The following ESRRG variants were observed in gnomAD, a reference collection of about 807,000 sequenced individuals.
ESRRG encodes estrogen related receptor gamma.
A neutral mutation model predicts 44.0 loss-of-function variants in ESRRG; 13 were observed. The observed-to-expected ratio is 0.30, with a 90% CI of 0.19 to 0.47. The LOEUF (loss-of-function observed/expected upper bound fraction) is 0.47, where lower values mean the gene tolerates loss of function less well. Among genes scored for constraint, ESRRG ranks in the 20% least tolerant of loss-of-function variants. The probability of loss-of-function intolerance (pLI) is 1.00; values close to 1 mark genes in which losing one functional copy is unlikely to be tolerated. For missense variants in ESRRG, 395 were observed against 580.6 expected, an observed-to-expected ratio of 0.68 and a Z score of 3.29; for synonymous variants, 215 against 214.6, an observed-to-expected ratio of 1.00 and a Z score of -0.02.
intron 1 of ESRRG, among the ~76,000 whole-genome samples, chr1:217,076,310 C>T (rs968815397): frequency 2.0e-5 from 3 of 152,146 alleles, no homozygotes; most frequent in Admixed American, 6.5e-5. Context: ...TGTCCCCTTT[C>T]CCCCCAGATT....
Position 216,894,237 on chromosome 1 carries a change from T to A in ESRRG, c.-14+45345A>T, listed in dbSNP as rs191833799. Among the ~76,000 whole-genome samples, 13 of 152,296 alleles carry A rather than the reference T, an allele frequency of 8.5e-5. No individual in the cohort carries two copies. In the East Asian group the frequency reaches 2.5e-3, roughly 29 times the overall value. On this transcript the variant is annotated intron_variant, in intron 2 of 7. Transcript: ENST00000359162. Reference sequence around the variant, plus strand: ...GTCAGATCAGGAAACTATGACCTGGTAGTGAATTTCATTTCACAGACTCGG... The same window carrying A: ...GTCAGATCAGGAAACTATGACCTGGAAGTGAATTTCATTTCACAGACTCGG...
At chr1:216,679,100 G>GT (rs2151521532) in intron 1 of ESRRG, among the ~76,000 whole-genome samples, 1 of 152,310 alleles carries the variant, frequency 6.6e-6, no homozygotes, top group South Asian at 2.1e-4. Flanking sequence ...AAGTCAAGCA[G>GT]TATCAGGATG....
intron 1 of ESRRG, among the ~76,000 whole-genome samples, chr1:217,060,002 A>G (rs1189404894): frequency 1.3e-5 from 2 of 152,062 alleles, no homozygotes; most frequent in Non-Finnish European, 2.9e-5. Flanking sequence ...TAGTATCATG[A>G]TTACTTATGA....
Position 216,519,426 on chromosome 1 carries a change from A to C in ESRRG, c.863-5T>G. ...CCAGGGACAGCGTGGAGAAGCCTGC[A>C]TGGAAAGATGGGCAGATCAAGTTAC... On this transcript the variant is annotated splice_region_variant and splice_polypyrimidine_tract_variant and intron_variant, in intron 5 of 6. Transcript: ENST00000408911. 1 of 1,599,082 alleles carries C rather than the reference A, an allele frequency of 6.3e-7. No homozygotes were observed. The highest frequency in any genetic ancestry group is 2.2e-5 in the East Asian group (1 of 44,836).
chr1:216,513,264 A>G (rs2043242386), intron 6 of ESRRG, among the ~76,000 whole-genome samples: 1 of 152,188 alleles, frequency 6.6e-6, no homozygotes, highest in South Asian at 2.1e-4. Flanking sequence ...CTAGAAAGTA[A>G]TGAATCAAGC....
rs59010457 is a variant in ESRRG, at chr1:217,018,881, T to C, written c.-106+70626A>G. 1.9e-3 allele frequency among the ~76,000 whole-genome samples: 286 copies of C among 152,296 alleles called. 1 individual carries two copies. Among genetic ancestry groups the C allele is most frequent in the African/African-American group, 6.7e-3 (279 of 41,572 alleles). On this transcript the variant is annotated intron_variant, in intron 1 of 7. Transcript: ENST00000359162. The stretch of plus-strand genomic sequence containing the variant: ...ACCGCATTATGGCACAATTACTTGC[T>C]ATAATTATGCATCTACTCCTCTTCC...
At chr1:216,855,700 C>A (rs903767517) in intron 2 of ESRRG, among the ~76,000 whole-genome samples, 1 of 152,134 alleles carries the variant, frequency 6.6e-6, no homozygotes, top group African/African-American at 2.4e-5. Context: ...TCCACCTGCC[C>A]CCTCCCCTGC....
chr1:216,747,583 C>T (rs947468158), intron 2 of ESRRG, among the ~76,000 whole-genome samples: 7 of 152,166 alleles, frequency 4.6e-5, no homozygotes, highest in Admixed American at 1.3e-4. Flanking sequence ...ACAATGATTG[C>T]ATTTCCTTCC....
At chr1:216,541,166 A>G (rs538504359) in intron 5 of ESRRG, among the ~76,000 whole-genome samples, 2 of 152,060 alleles carry the variant, frequency 1.3e-5, no homozygotes, top group Non-Finnish European at 2.9e-5. Context: ...GGTAATTATT[A>G]AATACACCAA....
chr1:216,663,912 C>G (rs2073200153), intron 2 of ESRRG, among the ~76,000 whole-genome samples: 1 of 152,122 alleles, frequency 6.6e-6, no homozygotes, highest in Non-Finnish European at 1.5e-5. Context: ...ATCCAGAGAA[C>G]TGACACAGGA....
At chr1:216,515,592 T>C (rs2818960) in intron 6 of ESRRG, among the ~76,000 whole-genome samples, 74,265 of 151,966 alleles carry the variant, frequency 0.49, 19,391 homozygotes, top group Non-Finnish European at 0.61. Context: ...ATAACCAAAT[T>C]GTTATTTGTA....
intron 1 of ESRRG, among the ~76,000 whole-genome samples, chr1:216,712,188 T>G (rs1456273700): frequency 6.6e-6 from 1 of 152,220 alleles, no homozygotes; most frequent in East Asian, 1.9e-4. Context: ...TCATGTGAAA[T>G]GAAGTTTTTT....
chr1:216,866,554 T>C (rs1442316313), intron 2 of ESRRG, among the ~76,000 whole-genome samples: 1 of 117,598 alleles, frequency 8.5e-6, no homozygotes, highest in Non-Finnish European at 1.6e-5. Flanking sequence ...TCTTTCTTTG[T>C]TTCTTTCTTT....
At chr1:216,611,032 G>A (rs1007851486) in intron 3 of ESRRG, among the ~76,000 whole-genome samples, 19 of 151,704 alleles carry the variant, frequency 1.3e-4, no homozygotes, top group African/African-American at 4.4e-4. Flanking sequence ...ATGAAACTCC[G>A]TCTCTGCTAA....
intron 1 of ESRRG, among the ~76,000 whole-genome samples, chr1:216,955,225 C>G (rs2067727428): frequency 6.6e-6 from 1 of 152,118 alleles, no homozygotes; most frequent in Non-Finnish European, 1.5e-5. Context: ...CCTCTTATAA[C>G]CATAATTATA....
intron 2 of ESRRG, among the ~76,000 whole-genome samples, chr1:216,771,208 A>G (rs917573591): frequency 1.3e-5 from 2 of 152,164 alleles, no homozygotes; most frequent in African/African-American, 4.8e-5. Flanking sequence ...ATTAGTGGAA[A>G]TTTTTAAAAT....
At chr1:216,783,425 TTC>T (rs1370747819) in intron 2 of ESRRG, among the ~76,000 whole-genome samples, 5 of 152,230 alleles carry the variant, frequency 3.3e-5, no homozygotes, top group African/African-American at 1.2e-4. Flanking sequence ...CCTTCAGAAA[TTC>T]TCTTTTACAG....
chr1:217,015,939 C>G (rs1369013258), intron 1 of ESRRG, among the ~76,000 whole-genome samples: 1 of 151,928 alleles, frequency 6.6e-6, no homozygotes, highest in African/African-American at 2.4e-5. Flanking sequence ...CCATGTTGAC[C>G]AGGCTGGCTT....
At chr1:217,117,276 T>A (rs1453000989) in intron 1 of ESRRG, among the ~76,000 whole-genome samples, 2 of 152,296 alleles carry the variant, frequency 1.3e-5, no homozygotes, top group East Asian at 3.9e-4. Flanking sequence ...ATTAAATAAT[T>A]AAATGAAATT....
Sources: allele counts gnomAD v4.1 joint callset (sites outside exome capture counted in the v4.1 genomes callset), GRCh38; gene constraint gnomAD v4.1.1; transcripts MANE v1.5; gene names NCBI Gene and HGNC (gene_info 2026-07-23, HGNC 2026-07-21).